The following MTFR2 variants were observed in gnomAD, a reference collection of about 807,000 sequenced individuals.
MTFR2 encodes the protein DUF729 domain-containing protein 1.
Under a neutral mutation model 41.2 loss-of-function variants are expected in MTFR2, and 44 were observed. The ratio of observed to expected loss-of-function variants is 1.07; its 90% confidence interval spans 0.84 to 1.37. The LOEUF is 1.37. Among genes scored for constraint, MTFR2 ranks in the 40% most tolerant of loss-of-function variants. MTFR2 has a pLI of 0.00. For synonymous variants in MTFR2, 141 were observed against 154.6 expected, an observed-to-expected ratio of 0.91 and a Z score of 0.65; for missense variants, 452 against 459.5, an observed-to-expected ratio of 0.98 and a Z score of 0.15.
intron 6 of MTFR2, among the ~76,000 whole-genome samples, chr6:136,235,459 T>C (rs1360418960): frequency 2.0e-5 from 3 of 151,664 alleles, no homozygotes; most frequent in South Asian, 2.1e-4. Context: ...TTTAGAGTCA[T>C]AGGACTAGGT....
Position 136,239,669 on chromosome 6 carries a change from C to G in MTFR2, c.666G>C (p.Gln222His). 6.2e-7 allele frequency: 1 copy of G among 1,613,828 alleles called. No homozygotes were observed. The highest frequency in any genetic ancestry group is 8.5e-7 in the Non-Finnish European group (1 of 1,179,968). ...GTTGTACGGGAGGAAAACACGGTGG[C>G]TGGAGAGATGAAAACTGAGGAGGAA... is the stretch of plus-strand genomic sequence containing the variant. The part of the protein sequence containing the change: ...PPLPPQFSSL[Q>H]PPCFPPVQPG... The change falls in exon 6 of 8, where the codon CAG (glutamine) becomes CAC (histidine). Residue 222 changes from glutamine to histidine, a missense_variant. Coordinates refer to ENST00000420702, the MANE Select transcript of MTFR2 (RefSeq NM_001099286.3).
chr6:136,240,902 T>G (rs368645286), intron 5 of MTFR2, among the ~76,000 whole-genome samples: 7 of 152,150 alleles, frequency 4.6e-5, no homozygotes, highest in East Asian at 3.9e-4. Context: ...CCATCCTGGC[T>G]AACACGGTGA....
chr6:136,249,251 C>T (rs1189480749), intron 1 of MTFR2, 98 bp from the exon 2 acceptor site: 7 of 530,480 alleles, frequency 1.3e-5, no homozygotes, highest in Non-Finnish European at 1.6e-5. Context: ...ACACAGTCAA[C>T]TAATTTCTCC....
chr6:136,245,515 C>A (rs578255286), intron 2 of MTFR2, among the ~76,000 whole-genome samples: 1 of 152,310 alleles, frequency 6.6e-6, no homozygotes, highest in South Asian at 2.1e-4. Flanking sequence ...CACTCTCCCC[C>A]ACCAGCCAAA....
rs1013978739 is a variant in MTFR2 at position 136,231,221 on chromosome 6, A to C, written c.*54T>G. Reference sequence around the variant, plus strand: ...CAGTCCAAATCAGTTTCTAAGAATAATTTATCATCCAGGAAGAAGTTTTGG... The same window carrying C: ...CAGTCCAAATCAGTTTCTAAGAATACTTTATCATCCAGGAAGAAGTTTTGG... On this transcript the variant is annotated 3_prime_UTR_variant, in exon 8 of 8. Coordinates refer to ENST00000420702, the MANE Select transcript of MTFR2 (RefSeq NM_001099286.3). 1 of 1,158,328 alleles carries C rather than the reference A, an allele frequency of 8.6e-7. No individual in the cohort carries two copies. The highest frequency in any genetic ancestry group is 1.3e-6 in the Non-Finnish European group (1 of 787,804). 71.8% of individuals were successfully genotyped at this position (1,158,328 alleles called of 1,614,324 possible). A position where few individuals can be genotyped will look rare whatever the true frequency, so the allele number is the denominator to read the frequency against.
intron 5 of MTFR2, among the ~76,000 whole-genome samples, chr6:136,241,235 T>A: frequency 6.6e-6 from 1 of 152,154 alleles, no homozygotes; most frequent in Admixed American, 6.5e-5. Flanking sequence ...TGAATAAACA[T>A]CAGATATAAT....
Position 136,233,508 on chromosome 6 carries a change from T to A in MTFR2, c.870-9A>T, listed in dbSNP as rs192023622. On this transcript the variant is annotated splice_polypyrimidine_tract_variant and intron_variant, in intron 6 of 7. Transcript: ENST00000420702. The stretch of plus-strand genomic sequence containing the variant: ...GTCTACCGCCAGGTGACCTATTTTT[T>A]AAAAAAAAAAATTGAATTTATTAAA... 5,154 of 1,306,906 alleles carry A rather than the reference T, an allele frequency of 3.9e-3. 40 individuals carry two copies. Among genetic ancestry groups the A allele is most frequent in the Non-Finnish European group, 3.0e-3 (2,883 of 975,968 alleles). The allele number at this position is 1,306,906 out of a possible 1,614,324, so 81.0% of individuals were successfully genotyped here. A position where few individuals can be genotyped will look rare whatever the true frequency, so the allele number is the denominator to read the frequency against.
intron 2 of MTFR2, chr6:136,247,568 A>G (rs776772191): frequency 1.4e-4 from 64 of 455,774 alleles, no homozygotes; most frequent in Non-Finnish European, 2.5e-4. Context: ...TAACTTTAAA[A>G]GAAAAAGAAA....
At chr6:136,231,443 A>G (rs1779753803) in intron 7 of MTFR2, 55 bp from the exon 8 acceptor site, 1 of 1,098,244 alleles carries the variant, frequency 9.1e-7, no homozygotes, top group Non-Finnish European at 1.3e-6. Context: ...AAAAAAAAAA[A>G]GAATGGCAAG....
At position 136,237,956 on chromosome 6, in the gene MTFR2, C is replaced by T. The variant is rs553493192; in HGVS notation, c.869+1510G>A. Among the ~76,000 whole-genome samples, 5 of 152,208 alleles carry T rather than the reference C, an allele frequency of 3.3e-5. No homozygotes were observed. In the East Asian group the frequency reaches 9.6e-4, roughly 29 times the overall value. ...GCATAGAAAAAAGGGGGCAAGAATG[C>T]TCAAGAGGTAAGCGAAGGAAATCCT... On this transcript the variant is annotated intron_variant, in intron 6 of 7. Transcript: ENST00000420702.
intron 6 of MTFR2, among the ~76,000 whole-genome samples, chr6:136,235,940 A>C (rs1156649837): frequency 1.3e-5 from 2 of 152,174 alleles, no homozygotes; most frequent in East Asian, 3.9e-4. Flanking sequence ...CAAAAAAAAA[A>C]AGAAAGTGCT....
chr6:136,249,282 C>A, intron 1 of MTFR2, 129 bp from the exon 2 acceptor site: 10 of 501,590 alleles, frequency 2.0e-5, no homozygotes, highest in South Asian at 9.8e-5. Context: ...TCTTTTAAGT[C>A]AGAGAAAAAG....
chr6:136,234,372 A>G (rs753793160), intron 6 of MTFR2, among the ~76,000 whole-genome samples: 21 of 152,032 alleles, frequency 1.4e-4, no homozygotes, highest in Non-Finnish European at 2.2e-4. Context: ...TTAGGGACAG[A>G]AGCACTTTAG....
At chr6:136,244,907 G>A in intron 2 of MTFR2, 38 bp from the exon 3 acceptor site, 2 of 1,401,276 alleles carry the variant, frequency 1.4e-6, no homozygotes, top group Non-Finnish European at 2.0e-6. Context: ...AATGCACTCT[G>A]ATTAAGCATA....
At position 136,239,472 on chromosome 6, in the gene MTFR2, A is replaced by C; in HGVS notation, c.863T>G (p.Ile288Ser). ...KDMNKVKLRA[I>S]ERSPGGRPIH... ...TCAAATTACAACAACATACCGCTCA[A>C]TTGCACGAAGCTTAACCTTATTCAT... The change falls in exon 6 of 8, where the codon ATT (isoleucine) becomes AGT (serine). Residue 288 changes from isoleucine to serine, a missense_variant. Physicochemically the swap from Ile to Ser is moderately radical, Grantham distance 142. Coordinates refer to ENST00000420702, the MANE Select transcript of MTFR2 (RefSeq NM_001099286.3). 1 of 1,594,084 alleles carries C rather than the reference A, an allele frequency of 6.3e-7. No individual in the cohort carries two copies.
intron 6 of MTFR2, among the ~76,000 whole-genome samples, chr6:136,235,124 G>C (rs565762223): frequency 3.9e-5 from 6 of 152,036 alleles, no homozygotes; most frequent in Non-Finnish European, 5.9e-5. Context: ...TCCTGACCTC[G>C]AGTGATCTGC....
At chr6:136,231,522 A>G in intron 7 of MTFR2, 134 bp from the exon 8 acceptor site, 1 of 613,920 alleles carries the variant, frequency 1.6e-6, no homozygotes, top group South Asian at 2.0e-5. Context: ...ACTATAATAC[A>G]TAGTTATTTG....
intron 2 of MTFR2, 136 bp downstream of exon 2, chr6:136,248,901 T>C (rs1193277084): frequency 1.4e-6 from 1 of 702,172 alleles, no homozygotes; most frequent in Non-Finnish European, 2.4e-6. Context: ...AGCTATACTA[T>C]TACAAACTCA....
rs745628260 is a variant in MTFR2 at position 136,244,857 on chromosome 6, A to C, written c.76T>G (p.Trp26Gly). ...GTTGATCCATAGTCTTTATTTTCCC[A>C]AATCAGCAAAACCTATTTTAAACAT... ...GVPVEQVLLIWENKDYGSTRS... is the reference protein window; with the variant it reads ...GVPVEQVLLIGENKDYGSTRS... Residue 26 changes from tryptophan (W) to glycine (G), a missense_variant, in exon 3 of 8, where the codon TGG becomes GGG. By Grantham distance (184) the Trp-to-Gly change is radical. Coordinates refer to ENST00000420702, the MANE Select transcript of MTFR2 (RefSeq NM_001099286.3). 1.6e-5 allele frequency: 26 copies of C among 1,607,324 alleles called. No individual in the cohort carries two copies. The highest frequency in any genetic ancestry group is 2.1e-5 in the Non-Finnish European group (25 of 1,176,310).
Sources: allele counts gnomAD v4.1 joint callset (sites outside exome capture counted in the v4.1 genomes callset), GRCh38; gene constraint gnomAD v4.1.1; transcripts MANE v1.5; gene names NCBI Gene and HGNC (gene_info 2026-07-23, HGNC 2026-07-21).